Variants in TOP2B observed in about 807,000 individuals in gnomAD.
TOP2B encodes DNA topoisomerase 2-beta.
In TOP2B, 51 loss-of-function variants were observed where a neutral mutation model predicts 193.5. That is an observed-to-expected ratio of 0.26 (90% confidence interval 0.21 to 0.33). The LOEUF (loss-of-function observed/expected upper bound fraction) is 0.33, where lower values mean the gene tolerates loss of function less well. Ranked by LOEUF, TOP2B falls within the 10% of genes least tolerant of loss-of-function variation. The pLI, the probability that TOP2B is intolerant of heterozygous loss-of-function variation, is 1.00. For synonymous variants in TOP2B, 634 were observed against 635.7 expected (o/e 1.00, Z 0.04); for missense variants, 1,378 against 1,909.3 (o/e 0.72, Z 5.19).
intron 8 of TOP2B, 128 bp downstream of exon 8, chr3:25,633,713 A>T: frequency 1.4e-6 from 1 of 704,612 alleles, no homozygotes; most frequent in Middle Eastern, 4.4e-4. Flanking sequence ...TGTTTTCATA[A>T]GTCAATTCTT....
chr3:25,646,608 A>G (rs1248495063), intron 1 of TOP2B, among the ~76,000 whole-genome samples: 2 of 152,244 alleles, frequency 1.3e-5, no homozygotes, highest in Non-Finnish European at 2.9e-5. Flanking sequence ...AAATAACTCA[A>G]AAGACACAAT....
intron 1 of TOP2B, among the ~76,000 whole-genome samples, chr3:25,653,635 G>A (rs73054063): frequency 0.13 from 19,746 of 151,914 alleles, 1,626 homozygotes; most frequent in East Asian, 0.19. Context: ...TTACCATATT[G>A]TCCAGGATGG....
chr3:25,648,231 A>G (rs2125400200), intron 1 of TOP2B, among the ~76,000 whole-genome samples: 1 of 152,346 alleles, frequency 6.6e-6, no homozygotes, highest in Admixed American at 6.5e-5. Flanking sequence ...CTGCAGTATC[A>G]GAAACAGACA....
At chr3:25,633,398 C>G (rs552539604) in intron 8 of TOP2B, among the ~76,000 whole-genome samples, 4 of 152,220 alleles carry the variant, frequency 2.6e-5, no homozygotes, top group African/African-American at 9.6e-5. Context: ...CTTACCCAGA[C>G]ATGCCACCCT....
Position 25,618,354 on chromosome 3 carries a change from TTTTG to T in TOP2B, c.3351+60_3351+63del, listed in dbSNP as rs1057377114. 6.8e-5 allele frequency: 85 copies of T among 1,250,216 alleles called. No individual in the cohort carries two copies. In the African/African-American group the frequency reaches 1.0e-3, roughly 15 times the overall value. The allele number at this position is 1,250,216 out of a possible 1,614,324, so 77.4% of individuals were successfully genotyped here. A position where few individuals can be genotyped will look rare whatever the true frequency, so the allele number is the denominator to read the frequency against. ...TAAATTTAAAATTTAGGGGTTGAAT[TTTTG>T]TTTGTTTTGGAAGTTGCTTTTAAAA... On this transcript the variant is annotated intron_variant, in intron 25 of 35. Coordinates refer to ENST00000264331, the MANE Select transcript of TOP2B (RefSeq NM_001330700.2).
At position 25,620,702 on chromosome 3, in the gene TOP2B, G is replaced by C; in HGVS notation, c.2842C>G (p.Pro948Ala). ...DRNTVEITEL[P>A]VRTWTQVYKE... ...CTGACCTGTGTCCAAGTTCTAACTG[G>C]AAGCTCTGTAATTTCTACTGTGTTT... The change falls in exon 22 of 36, where the codon CCA (proline) becomes GCA (alanine). Residue 948 changes from proline (P) to alanine (A), a missense_variant. Pro to Ala is a conservative substitution (Grantham distance 27). This residue lies in a region of TOP2B where 379 missense variants were observed against 615.1 expected (regional missense o/e 0.62). Transcript: ENST00000264331. The C allele has an allele frequency of 3.1e-6, 5 of 1,612,586 alleles. No individual in the cohort carries two copies. The highest frequency in any genetic ancestry group is 4.2e-6 in the Non-Finnish European group (5 of 1,179,230).
chr3:25,655,838 TAGAAAC>T (rs1703727702), intron 1 of TOP2B, among the ~76,000 whole-genome samples: 1 of 152,092 alleles, frequency 6.6e-6, no homozygotes, highest in Non-Finnish European at 1.5e-5. Flanking sequence ...ATCAAAATCA[TAGAAAC>T]AGAAAGTAGA....
At chr3:25,632,395 ACC>A in intron 10 of TOP2B, 49 bp downstream of exon 10, 11 of 1,429,024 alleles carry the variant, frequency 7.7e-6, no homozygotes, top group Non-Finnish European at 1.0e-5. Context: ...CAAGAAAACT[ACC>A]TAATCAACTC....
At chr3:25,652,482 A>G (rs1422823302) in intron 1 of TOP2B, among the ~76,000 whole-genome samples, 1 of 152,230 alleles carries the variant, frequency 6.6e-6, no homozygotes, top group Non-Finnish European at 1.5e-5. Context: ...TATATTTTCC[A>G]TCAAAAATGG....
rs1038747563 is a variant in TOP2B, at chr3:25,630,558, C to T, written c.1406-89G>A. On this transcript the variant is annotated intron_variant, in intron 11 of 35. Coordinates refer to ENST00000264331, the MANE Select transcript of TOP2B (RefSeq NM_001330700.2). ...AAGTCAGAAAATTAACATTAGAATG[C>T]TGACAGTGAAAGACTATAAAAGTTA... The T allele has an allele frequency of 5.5e-6, 6 of 1,095,350 alleles. No individual in the cohort carries two copies. In the African/African-American group the frequency reaches 9.6e-5, roughly 17 times the overall value. The allele number at this position is 1,095,350 out of a possible 1,614,324, so 67.9% of individuals were successfully genotyped here. A position where few individuals can be genotyped will look rare whatever the true frequency, so the allele number is the denominator to read the frequency against.
intron 25 of TOP2B, among the ~76,000 whole-genome samples, chr3:25,616,483 A>C (rs1702508266): frequency 6.6e-6 from 1 of 151,798 alleles, no homozygotes; most frequent in South Asian, 2.1e-4. Context: ...AGTACAGTTT[A>C]CGTGTACTTC....
At chr3:25,610,499 A>G (rs1350260458) in intron 28 of TOP2B, among the ~76,000 whole-genome samples, 1 of 152,228 alleles carries the variant, frequency 6.6e-6, no homozygotes, top group Non-Finnish European at 1.5e-5. Context: ...TAAGGAGGGA[A>G]GGGCATCCCA....
intron 33 of TOP2B, among the ~76,000 whole-genome samples, chr3:25,603,342 G>A (rs369941173): frequency 6.6e-6 from 1 of 152,190 alleles, no homozygotes; most frequent in South Asian, 2.1e-4. Flanking sequence ...AAGTTCAAGC[G>A]ATTCTTGTGC....
intron 15 of TOP2B, among the ~76,000 whole-genome samples, chr3:25,628,549 A>G (rs1702869984): frequency 6.6e-6 from 1 of 152,184 alleles, no homozygotes; most frequent in Non-Finnish European, 1.5e-5. Flanking sequence ...AGAAATACAT[A>G]CTGAAGTAGT....
intron 30 of TOP2B, 90 bp downstream of exon 30, chr3:25,609,093 G>A: frequency 9.0e-7 from 1 of 1,111,328 alleles, no homozygotes; most frequent in Non-Finnish European, 1.2e-6. Context: ...AATACTAATG[G>A]CTTAGTACTT....
At chr3:25,624,183 TA>T in intron 20 of TOP2B, 113 bp downstream of exon 20, 1 of 1,268,256 alleles carries the variant, frequency 7.9e-7, no homozygotes, top group Non-Finnish European at 1.1e-6. Context: ...ATTCACCTTC[TA>T]AGTAGAATAA....
At chr3:25,645,816 A>G (rs1486170553) in intron 1 of TOP2B, among the ~76,000 whole-genome samples, 1 of 152,028 alleles carries the variant, frequency 6.6e-6, no homozygotes, top group Admixed American at 6.5e-5. Context: ...CTAGAGTGCA[A>G]TGGTGTGATC....
At chr3:25,619,443 A>G (rs553262145) in intron 23 of TOP2B, among the ~76,000 whole-genome samples, 5 of 152,096 alleles carry the variant, frequency 3.3e-5, no homozygotes, top group Non-Finnish European at 7.4e-5. Flanking sequence ...TGAATCACAC[A>G]CTTAAAGTTT....
At chr3:25,614,113 T>C (rs529302134) in intron 27 of TOP2B, among the ~76,000 whole-genome samples, 3 of 152,268 alleles carry the variant, frequency 2.0e-5, no homozygotes, top group South Asian at 4.1e-4. Flanking sequence ...TTTAAATAAG[T>C]TGTTTGGACC....
Sources: allele counts gnomAD v4.1 joint callset (sites outside exome capture counted in the v4.1 genomes callset), GRCh38; gene constraint gnomAD v4.1.1; regional missense constraint gnomAD v4.1.1; transcripts MANE v1.5; gene names NCBI Gene and HGNC (gene_info 2026-07-23, HGNC 2026-07-21).